The following DDC variants were observed in gnomAD, a reference collection of about 807,000 sequenced individuals.
DDC encodes dopa decarboxylase.
DDC carries 43 observed loss-of-function variants against 60.0 expected under a neutral mutation model. The ratio of observed to expected loss-of-function variants is 0.72; its 90% CI spans 0.56 to 0.92. DDC has a LOEUF of 0.92. Ranked by LOEUF, DDC falls within the 40% of genes least tolerant of loss-of-function variation. The probability of loss-of-function intolerance (pLI) is 0.00; values close to 1 mark genes in which losing one functional copy is unlikely to be tolerated. For synonymous variants in DDC, 232 were observed against 234.6 expected, an observed-to-expected ratio of 0.99 and a Z score of 0.10; for missense variants, 573 against 620.2, an observed-to-expected ratio of 0.92 and a Z score of 0.81.
intron 14 of DDC, among the ~76,000 whole-genome samples, chr7:50,459,862 C>T (rs2042220037): frequency 6.8e-6 from 1 of 147,592 alleles, no homozygotes; most frequent in Admixed American, 6.6e-5. Context: ...CGGCCAGCCG[C>T]CCCGTCCGGG....
At chr7:50,460,935 A>G (rs369773800) in intron 14 of DDC, among the ~76,000 whole-genome samples, 3 of 151,514 alleles carry the variant, frequency 2.0e-5, no homozygotes, top group Admixed American at 6.6e-5. Flanking sequence ...GGTCCTCTGC[A>G]TAGGAAAACC....
intron 1 of DDC, among the ~76,000 whole-genome samples, chr7:50,557,813 C>A (rs986351608): frequency 1.3e-5 from 2 of 152,156 alleles, no homozygotes; most frequent in African/African-American, 4.8e-5. Context: ...GTTCTTTTTG[C>A]GTGTTGTCAA....
intron 7 of DDC, among the ~76,000 whole-genome samples, chr7:50,502,362 C>T (rs945346771): frequency 2.6e-5 from 4 of 152,210 alleles, no homozygotes; most frequent in African/African-American, 9.7e-5. Context: ...GGGCAGCCCA[C>T]ACTTGGCCCA....
chr7:50,479,978 A>G, intron 9 of DDC, 115 bp from the exon 10 acceptor site: 1 of 751,724 alleles, frequency 1.3e-6, no homozygotes, highest in Non-Finnish European at 2.4e-6. Flanking sequence ...TGCCCTGAAC[A>G]CCACTCTGCC....
At chr7:50,473,636 G>T (rs1194459604) in intron 11 of DDC, among the ~76,000 whole-genome samples, 1 of 152,192 alleles carries the variant, frequency 6.6e-6, no homozygotes, top group Non-Finnish European at 1.5e-5. Flanking sequence ...CTGGGCTGCT[G>T]TGGTGCTTCC....
Position 50,505,164 on chromosome 7 carries a change from C to T in DDC, c.715-1105G>A, listed in dbSNP as rs549947663. Among the ~76,000 whole-genome samples, 5 of 152,368 alleles carry T rather than the reference C, an allele frequency of 3.3e-5. No homozygotes were observed. The South Asian group carries it at 6.2e-4, about 19-fold the overall frequency. On this transcript the variant is annotated intron_variant, in intron 6 of 14. Transcript: ENST00000444124. ...GTTGTCCCCACACACATGTCTGTCT[C>T]TCCCTCCAGACCCATGATGCTCCCA...
chr7:50,554,296 A>G (rs1407640689), intron 1 of DDC, among the ~76,000 whole-genome samples: 1 of 152,144 alleles, frequency 6.6e-6, no homozygotes, highest in Non-Finnish European at 1.5e-5. Context: ...TTCATTAATA[A>G]TAGGGCAACT....
At chr7:50,561,214 G>A (rs1000599218) in intron 1 of DDC, 1 of 152,076 alleles carries the variant, frequency 6.6e-6, no homozygotes, top group Admixed American at 6.5e-5. Context: ...TCTGCCCCCA[G>A]GGGGAGAGAG....
intron 1 of DDC, among the ~76,000 whole-genome samples, chr7:50,547,985 T>C (rs1436747867): frequency 6.6e-6 from 1 of 152,224 alleles, no homozygotes; most frequent in Non-Finnish European, 1.5e-5. Context: ...TCAGAAACTT[T>C]TGTAATATTT....
intron 9 of DDC, among the ~76,000 whole-genome samples, chr7:50,480,563 G>T (rs554614591): frequency 6.6e-6 from 1 of 152,220 alleles, no homozygotes; most frequent in African/African-American, 2.4e-5. Context: ...GGCATTTGAA[G>T]TGGGGGCCGG....
intron 7 of DDC, among the ~76,000 whole-genome samples, chr7:50,501,612 T>C (rs975570688): frequency 1.3e-5 from 2 of 152,234 alleles, no homozygotes; most frequent in Non-Finnish European, 2.9e-5. Flanking sequence ...TCTAATCATA[T>C]ATAGAATAAG....
intron 8 of DDC, among the ~76,000 whole-genome samples, 166 bp downstream of exon 8, chr7:50,498,982 G>A (rs1403403503): frequency 6.6e-6 from 1 of 152,194 alleles, no homozygotes; most frequent in Non-Finnish European, 1.5e-5. Context: ...TGTATGGCTG[G>A]GGAAGGCTCT....
In DDC at chr7:50,513,622, G is replaced by T. The variant is rs370767625; in HGVS notation, c.715-9563C>A. Among the ~76,000 whole-genome samples, 6 of 152,146 alleles carry T rather than the reference G, an allele frequency of 3.9e-5. No individual in the cohort carries two copies. In the East Asian group the frequency reaches 7.7e-4, roughly 20 times the overall value. On this transcript the variant is annotated intron_variant, in intron 6 of 14. Transcript: ENST00000444124. ...CGCCCATGCCCAGAAACAGACTTGG[G>T]GCTCTTGGCAGGGGCACGGTGGGAG...
intron 6 of DDC, among the ~76,000 whole-genome samples, chr7:50,518,129 T>A (rs892994016): frequency 6.6e-6 from 1 of 150,520 alleles, no homozygotes; most frequent in Non-Finnish European, 1.5e-5. Flanking sequence ...GAGAATGGCA[T>A]GAACCTGGAA....
intron 1 of DDC, among the ~76,000 whole-genome samples, chr7:50,562,428 T>TCATCCCCCC (rs1311278105): frequency 6.6e-6 from 1 of 152,140 alleles, no homozygotes; most frequent in African/African-American, 2.4e-5. Flanking sequence ...GCAAGGTGGC[T>TCATCCCCCC]CATCCCCCCA....
At chr7:50,483,316 T>A (rs183496097) in intron 9 of DDC, among the ~76,000 whole-genome samples, 1 of 152,356 alleles carries the variant, frequency 6.6e-6, no homozygotes, top group Non-Finnish European at 1.5e-5. Context: ...AATCTTCTAC[T>A]ATTAAACCAT....
chr7:50,517,291 A>C (rs904485522), intron 6 of DDC, among the ~76,000 whole-genome samples: 3 of 152,226 alleles, frequency 2.0e-5, no homozygotes. Context: ...AATGTGATAC[A>C]CCACAGAAAG....
At chr7:50,522,945 G>A (rs768337841) in intron 6 of DDC, among the ~76,000 whole-genome samples, 1 of 152,116 alleles carries the variant, frequency 6.6e-6, no homozygotes, top group Middle Eastern at 3.2e-3. Flanking sequence ...TGTTTAAACA[G>A]CCGGATCTCA....
At chr7:50,466,944 T>A (rs1443109694) in intron 13 of DDC, among the ~76,000 whole-genome samples, 1 of 152,144 alleles carries the variant, frequency 6.6e-6, no homozygotes, top group Admixed American at 6.5e-5. Flanking sequence ...GATGGAGCCT[T>A]GAGGAAGGAA....
Sources: gnomAD v4.1 joint callset for allele counts (sites outside exome capture counted in the v4.1 genomes callset) on GRCh38, gnomAD v4.1.1 for gene constraint, MANE v1.5 for transcripts, NCBI Gene and HGNC (gene_info 2026-07-23, HGNC 2026-07-21) for gene names.